FNDC3B: variants seen among roughly 807,000 people sequenced by gnomAD.
FNDC3B encodes the protein fibronectin type III domain containing 3B.
FNDC3B carries 12 observed loss-of-function variants against 151.5 expected under a neutral mutation model. The ratio of observed to expected loss-of-function variants is 0.08; its 90% CI spans 0.05 to 0.13. FNDC3B has a LOEUF of 0.13. Ranked by LOEUF, FNDC3B falls within the 10% of genes least tolerant of loss-of-function variation. The probability of loss-of-function intolerance (pLI) is 1.00; values close to 1 mark genes in which losing one functional copy is unlikely to be tolerated. For synonymous variants in FNDC3B, 528 were observed against 549.0 expected, an observed-to-expected ratio of 0.96 and a Z score of 0.54; for missense variants, 1,214 against 1,505.3, an observed-to-expected ratio of 0.81 and a Z score of 3.20.
At chr3:172,255,903 C>T (rs939347207) in intron 6 of FNDC3B, among the ~76,000 whole-genome samples, 3 of 152,192 alleles carry the variant, frequency 2.0e-5, no homozygotes, top group African/African-American at 4.8e-5. Flanking sequence ...TCTCCTCATA[C>T]GTTTCTTAGG....
At chr3:172,365,575 C>T (rs1241403149) in intron 23 of FNDC3B, among the ~76,000 whole-genome samples, 1 of 152,144 alleles carries the variant, frequency 6.6e-6, no homozygotes, top group East Asian at 1.9e-4. Context: ...ATCTAGATCA[C>T]CTGGACTTTT....
intron 6 of FNDC3B, among the ~76,000 whole-genome samples, chr3:172,270,022 A>G (rs549230131): frequency 6.6e-6 from 1 of 152,360 alleles, no homozygotes; most frequent in African/African-American, 2.4e-5. Context: ...CTTCCTAGAT[A>G]TTAATACTGT....
At chr3:172,314,621 A>C (rs1309774122) in intron 11 of FNDC3B, among the ~76,000 whole-genome samples, 1 of 152,210 alleles carries the variant, frequency 6.6e-6, no homozygotes, top group African/African-American at 2.4e-5. Context: ...AGTAGAGTAA[A>C]ATTTTGAAAG....
At chr3:172,113,264 T>C (rs190719009) in intron 2 of FNDC3B, among the ~76,000 whole-genome samples, 9 of 152,358 alleles carry the variant, frequency 5.9e-5, no homozygotes, top group African/African-American at 2.2e-4. Flanking sequence ...ATTTTATCTT[T>C]GTACATCCTT....
Position 172,295,404 on chromosome 3 carries a change from T to TC in FNDC3B, c.896dup (p.Val300CysfsTer42). 1 of 1,614,088 alleles carries TC rather than the reference T, an allele frequency of 6.2e-7. No homozygotes were observed. The highest frequency in any genetic ancestry group is 8.5e-7 in the Non-Finnish European group (1 of 1,179,930). ...CAAGAGCAGTTGTGTTGTCCTGGGC[T>TC]CCCCCTGTTGGACTTTCCTGTGGAC... On this transcript the variant is annotated frameshift_variant, in exon 8 of 26. Coordinates refer to ENST00000415807, the MANE Select transcript of FNDC3B (RefSeq NM_022763.4). LOFTEE classifies it high-confidence loss of function.
intron 9 of FNDC3B, chr3:172,302,288 C>T (rs1730951873): frequency 6.6e-6 from 1 of 152,242 alleles, no homozygotes; most frequent in Non-Finnish European, 1.5e-5. Flanking sequence ...AGTCATGAAG[C>T]CCTGTCATTT....
intron 23 of FNDC3B, among the ~76,000 whole-genome samples, chr3:172,376,626 G>A (rs1735153601): frequency 6.6e-6 from 1 of 152,178 alleles, no homozygotes; most frequent in Non-Finnish European, 1.5e-5. Context: ...AATGTGTCAA[G>A]AGTGCTAAAT....
rs1477318406 is a variant in FNDC3B at position 172,251,178 on chromosome 3, G to C, written c.509-82G>C. 4.5e-6 allele frequency: 5 copies of C among 1,102,906 alleles called. No individual in the cohort carries two copies. The African/African-American group carries it at 8.1e-5, about 18-fold the overall frequency. The allele number at this position is 1,102,906 out of a possible 1,614,324, so 68.3% of individuals were successfully genotyped here. On this transcript the variant is annotated intron_variant, in intron 5 of 25. Transcript: ENST00000415807. Reference sequence around the variant, plus strand: ...TTCCTTTATACTTTAGACTTCTTCAGGAGCCAGATCATTTGACCATTTAAT... The same window carrying C: ...TTCCTTTATACTTTAGACTTCTTCACGAGCCAGATCATTTGACCATTTAAT...
intron 17 of FNDC3B, among the ~76,000 whole-genome samples, chr3:172,342,088 A>T (rs1388570955): frequency 2.6e-5 from 4 of 152,244 alleles, no homozygotes; most frequent in Non-Finnish European, 4.4e-5. Flanking sequence ...ACTTTTCAAG[A>T]GAATACCTGC....
At chr3:172,250,855 CG>C (rs1560040208) in intron 5 of FNDC3B, among the ~76,000 whole-genome samples, 1 of 152,042 alleles carries the variant, frequency 6.6e-6, no homozygotes, top group Admixed American at 6.6e-5. Flanking sequence ...CTTGCTCTGT[CG>C]CTCAGGCTGG....
intron 9 of FNDC3B, among the ~76,000 whole-genome samples, chr3:172,306,752 CT>C (rs1161757882): frequency 6.6e-6 from 1 of 152,188 alleles, no homozygotes; most frequent in East Asian, 1.9e-4. Context: ...CATCTTTAAT[CT>C]TGGCTTCATG....
chr3:172,243,589 C>T (rs905441917), intron 4 of FNDC3B, among the ~76,000 whole-genome samples: 1 of 152,136 alleles, frequency 6.6e-6, no homozygotes, highest in Non-Finnish European at 1.5e-5. Flanking sequence ...CTTCATGATT[C>T]AATTACCTCC....
intron 3 of FNDC3B, among the ~76,000 whole-genome samples, chr3:172,199,205 G>A (rs1452353533): frequency 2.7e-5 from 4 of 148,432 alleles, no homozygotes; most frequent in African/African-American, 5.0e-5. Flanking sequence ...TTTTTGAGAC[G>A]GAGTCTCGCT....
In FNDC3B at chr3:172,130,713, C is replaced by T. The variant is rs540545391; in HGVS notation, c.112-2758C>T. The stretch of plus-strand genomic sequence containing the variant: ...ATCCGTTTTCTTGCCTGGGACTTTC[C>T]GTAATACTGGTGAATTGTATTTTCT... On this transcript the variant is annotated intron_variant, in intron 2 of 25. Coordinates refer to ENST00000415807, the MANE Select transcript of FNDC3B (RefSeq NM_022763.4). Among the ~76,000 whole-genome samples the T allele has an allele frequency of 2.8e-4, 43 of 152,232 alleles. 1 individual carries two copies. Among genetic ancestry groups the T allele is most frequent in the Middle Eastern group, 6.8e-3 (2 of 292 alleles).
At chr3:172,046,492 T>A (rs893204110) in intron 1 of FNDC3B, among the ~76,000 whole-genome samples, 5 of 152,054 alleles carry the variant, frequency 3.3e-5, no homozygotes, top group African/African-American at 1.2e-4. Context: ...TAATGTTTTT[T>A]TTTTTATTTT....
chr3:172,211,715 T>C (rs544144155), intron 3 of FNDC3B, among the ~76,000 whole-genome samples: 9 of 152,292 alleles, frequency 5.9e-5, no homozygotes, highest in African/African-American at 2.2e-4. Flanking sequence ...ATTTCTGCCT[T>C]TGAAAAAGGG....
intron 3 of FNDC3B, among the ~76,000 whole-genome samples, chr3:172,163,189 T>G (rs1722862499): frequency 6.6e-6 from 1 of 152,026 alleles, no homozygotes; most frequent in African/African-American, 2.4e-5. Flanking sequence ...GAAGATTACT[T>G]GAGCCCAGGA....
At chr3:172,246,099 G>A (rs569012751) in intron 4 of FNDC3B, among the ~76,000 whole-genome samples, 2 of 152,106 alleles carry the variant, frequency 1.3e-5, no homozygotes, top group African/African-American at 4.8e-5. Context: ...ACATGATTAA[G>A]TCATTTTATT....
intron 3 of FNDC3B, chr3:172,133,750 T>C: frequency 1.7e-6 from 1 of 598,316 alleles, no homozygotes; most frequent in Non-Finnish European, 3.0e-6. Flanking sequence ...AAATCTGTAT[T>C]GGGTATCTGT....
Sources: allele counts gnomAD v4.1 joint callset (sites outside exome capture counted in the v4.1 genomes callset), GRCh38; gene constraint gnomAD v4.1.1; transcripts MANE v1.5; gene names NCBI Gene and HGNC (gene_info 2026-07-23, HGNC 2026-07-21).